The following LRP1B variants were observed in gnomAD, a reference collection of about 807,000 sequenced individuals.
LRP1B encodes low-density lipoprotein receptor-related protein 1B.
In LRP1B, 217 loss-of-function variants were observed where a neutral mutation model predicts 556.6. The observed-to-expected ratio is 0.39, with a 90% CI of 0.35 to 0.44. LRP1B has a LOEUF of 0.44. Ranked by LOEUF, LRP1B falls within the 20% of genes least tolerant of loss-of-function variation. The pLI, the probability that LRP1B is intolerant of heterozygous loss-of-function variation, is 1.00. For synonymous variants in LRP1B, 2,047 were observed against 1,865.8 expected, an observed-to-expected ratio of 1.10 and a Z score of -2.50; for missense variants, 5,053 against 5,620.8, an observed-to-expected ratio of 0.90 and a Z score of 3.23.
intron 9 of LRP1B, among the ~76,000 whole-genome samples, chr2:141,056,249 G>A (rs761114862): frequency 2.6e-5 from 4 of 151,682 alleles, no homozygotes; most frequent in Non-Finnish European, 4.4e-5. Flanking sequence ...ACAATAGATC[G>A]CATCTCCTCT....
intron 60 of LRP1B, among the ~76,000 whole-genome samples, chr2:140,474,101 G>T (rs1271489366): frequency 1.3e-5 from 2 of 151,908 alleles, no homozygotes; most frequent in African/African-American, 2.4e-5. Flanking sequence ...CCTTAAGAAA[G>T]CGCCTCTAAA....
chr2:140,851,298 G>A (rs1392110776), intron 28 of LRP1B, among the ~76,000 whole-genome samples: 2 of 151,962 alleles, frequency 1.3e-5, no homozygotes, highest in Non-Finnish European at 2.9e-5. Context: ...GCGCCTCTTT[G>A]TTATGCAGGT....
intron 15 of LRP1B, among the ~76,000 whole-genome samples, chr2:140,998,606 G>C (rs1697322625): frequency 6.6e-6 from 1 of 152,032 alleles, no homozygotes; most frequent in African/African-American, 2.4e-5. Context: ...AAAAGACAAA[G>C]AGTCCAGCCT....
intron 66 of LRP1B, among the ~76,000 whole-genome samples, chr2:140,419,895 C>A (rs1685360254): frequency 6.6e-6 from 1 of 151,728 alleles, no homozygotes; most frequent in African/African-American, 2.4e-5. Flanking sequence ...GTAATCCCAA[C>A]TACTTGGGTG....
chr2:141,229,420 T>C lies in LRP1B; in HGVS notation c.613A>G (p.Ile205Val), dbSNP rs1168656241. ...AKIEPTDRPP[I>V]LLIANFETIE... is the part of the protein sequence containing the mutation. ...GTTTCAAAATTTGCAATTAATAGTA[T>C]AGGTGGTCTATCTGTAGGTTCTGGA... Residue 205 changes from isoleucine to valine, a missense_variant, in exon 6 of 91, where the codon ATA becomes GTA. Ile to Val is a conservative substitution (Grantham distance 29, BLOSUM62 3). Transcript: ENST00000389484. The C allele has an allele frequency of 1.3e-6, 2 of 1,582,474 alleles. No homozygotes were observed. Among genetic ancestry groups the C allele is most frequent in the Admixed American group, 1.7e-5 (1 of 59,206 alleles).
intron 54 of LRP1B, among the ~76,000 whole-genome samples, chr2:140,502,365 C>T (rs2104893737): frequency 6.6e-6 from 1 of 151,944 alleles, no homozygotes; most frequent in South Asian, 2.1e-4. Flanking sequence ...ATAGCTGTTC[C>T]AAATACAGCT....
At chr2:140,856,221 G>A (rs1692613580) in intron 27 of LRP1B, among the ~76,000 whole-genome samples, 1 of 152,074 alleles carries the variant, frequency 6.6e-6, no homozygotes, top group Non-Finnish European at 1.5e-5. Flanking sequence ...TCCACATGAT[G>A]TACTTTTCTT....
rs559919249 is a variant in LRP1B at position 140,695,227 on chromosome 2, G to A, written c.6799+5023C>T. ...AGAGTGGACTTCATTGAGCCTCTGC[G>A]TCTTAAACTGCAGCCCTCTCTTTCA... On this transcript the variant is annotated intron_variant, in intron 41 of 90. Transcript: ENST00000389484. 2.4e-4 allele frequency among the ~76,000 whole-genome samples: 37 copies of A among 151,960 alleles called. 1 individual carries two copies. In the South Asian group the frequency reaches 6.2e-3, roughly 26 times the overall value.
In LRP1B at chr2:140,606,840, T is replaced by C. The variant is rs546974660; in HGVS notation, c.6800-5201A>G. ...CTTAAACCTAAACATAGATGGTAGA[T>C]GATGAAACTCTTAGGATAAAAAATA... On this transcript the variant is annotated intron_variant, in intron 41 of 90. Coordinates refer to ENST00000389484, the MANE Select transcript of LRP1B (RefSeq NM_018557.3). Among the ~76,000 whole-genome samples, 13 of 152,086 alleles carry C rather than the reference T, an allele frequency of 8.5e-5. No individual in the cohort carries two copies. The East Asian group carries it at 1.5e-3, about 18-fold the overall frequency.
At chr2:141,228,060 G>A (rs1683313533) in intron 6 of LRP1B, among the ~76,000 whole-genome samples, 2 of 152,036 alleles carry the variant, frequency 1.3e-5, no homozygotes, top group South Asian at 2.1e-4. Context: ...CCAAGTAGCT[G>A]GGATTAAAGG....
At chr2:141,141,545 T>C (rs1701652273) in intron 7 of LRP1B, among the ~76,000 whole-genome samples, 1 of 152,204 alleles carries the variant, frequency 6.6e-6, no homozygotes, top group Admixed American at 6.5e-5. Context: ...AATTTTTAAA[T>C]CTTTCCTTTT....
intron 1 of LRP1B, among the ~76,000 whole-genome samples, chr2:141,913,935 A>G (rs977793185): frequency 6.6e-6 from 1 of 151,942 alleles, no homozygotes; most frequent in Non-Finnish European, 1.5e-5. Flanking sequence ...TTTAGTAGAG[A>G]TGGGGTTTCA....
At position 141,718,737 on chromosome 2, in the gene LRP1B, C is replaced by T. The variant is rs567146268; in HGVS notation, c.205+91542G>A. Among the ~76,000 whole-genome samples, 8 of 152,196 alleles carry T rather than the reference C, an allele frequency of 5.3e-5. No homozygotes were observed. In the South Asian group the frequency reaches 6.2e-4, roughly 12 times the overall value. On this transcript the variant is annotated intron_variant, in intron 2 of 90. Transcript: ENST00000389484. ...CATTTAAAACGTTAGTCTGTGTACA[C>T]TTAATTTCTAGTAAAGGAACAGAAG... is the stretch of plus-strand genomic sequence containing the variant.
At chr2:141,211,847 T>G (rs925020173) in intron 6 of LRP1B, among the ~76,000 whole-genome samples, 1 of 152,222 alleles carries the variant, frequency 6.6e-6, no homozygotes, top group Non-Finnish European at 1.5e-5. Context: ...TAATTGTAAC[T>G]GTCCTTTTTT....
intron 1 of LRP1B, among the ~76,000 whole-genome samples, chr2:141,880,667 T>C (rs189448509): frequency 6.6e-6 from 1 of 152,202 alleles, no homozygotes; most frequent in African/African-American, 2.4e-5. Context: ...GCACTGCTTA[T>C]TGAAGTATGA....
At chr2:140,374,647 CTGAG>C (rs1204098622) in intron 68 of LRP1B, among the ~76,000 whole-genome samples, 3 of 152,062 alleles carry the variant, frequency 2.0e-5, no homozygotes, top group Non-Finnish European at 4.4e-5. Flanking sequence ...GTACAAACTG[CTGAG>C]TGAATTAATA....
chr2:140,759,373 T>C (rs1237881180), intron 35 of LRP1B, among the ~76,000 whole-genome samples: 1 of 152,154 alleles, frequency 6.6e-6, no homozygotes, highest in East Asian at 1.9e-4. Flanking sequence ...GACAATCAAG[T>C]TATATTTCTG....
chr2:140,336,333 T>C (rs1398771763), intron 77 of LRP1B, among the ~76,000 whole-genome samples: 1 of 151,980 alleles, frequency 6.6e-6, no homozygotes, highest in Non-Finnish European at 1.5e-5. Context: ...CAATATCCAC[T>C]TGGCTTGGTT....
intron 43 of LRP1B, among the ~76,000 whole-genome samples, chr2:140,574,496 G>T (rs950492361): frequency 6.6e-6 from 1 of 152,138 alleles, no homozygotes; most frequent in Non-Finnish European, 1.5e-5. Flanking sequence ...TGATTGGAGG[G>T]TGTCAGTGAA....
Sources: allele counts gnomAD v4.1 joint callset (sites outside exome capture counted in the v4.1 genomes callset), GRCh38; gene constraint gnomAD v4.1.1; transcripts MANE v1.5; gene names NCBI Gene and HGNC (gene_info 2026-07-23, HGNC 2026-07-21).